The following SYMPK variants were observed in gnomAD, a reference collection of about 807,000 sequenced individuals.
The protein encoded by SYMPK is symplekin scaffold protein.
A neutral mutation model predicts 136.4 loss-of-function variants in SYMPK; 49 were observed. The ratio of observed to expected loss-of-function variants is 0.36; its 90% confidence interval spans 0.29 to 0.46. SYMPK has a LOEUF of 0.46. SYMPK is among the 20% of genes least tolerant of loss of function. The pLI is 1.00. For synonymous variants in SYMPK, 766 were observed against 713.0 expected, an observed-to-expected ratio of 1.07 and a Z score of -1.19; for missense variants, 1,365 against 1,690.0, an observed-to-expected ratio of 0.81 and a Z score of 3.37.
At chr19:45,830,006 T>C in intron 13 of SYMPK, 48 bp downstream of exon 13, 4 of 1,513,164 alleles carry the variant, frequency 2.6e-6, no homozygotes, top group Middle Eastern at 1.9e-4. Flanking sequence ...AGGTAGACGT[T>C]TGGGTAGAGG....
At chr19:45,822,980 C>G (rs1179608326) in intron 20 of SYMPK, 134 bp from the exon 21 acceptor site, 3 of 718,190 alleles carry the variant, frequency 4.2e-6, no homozygotes, top group Admixed American at 2.2e-5. Flanking sequence ...CCTACCCTCA[C>G]CACACCCTCA....
chr19:45,831,799 G>A (rs533507860), intron 11 of SYMPK, among the ~76,000 whole-genome samples: 2 of 152,162 alleles, frequency 1.3e-5, no homozygotes, highest in Non-Finnish European at 2.9e-5. Context: ...TTGCTGGGGG[G>A]AGCAGCAAAT....
chr19:45,827,593 G>C lies in SYMPK; in HGVS notation c.2098C>G (p.Arg700Gly), dbSNP rs761537907. 24 of 1,614,034 alleles carry C rather than the reference G, an allele frequency of 1.5e-5. No homozygotes were observed. The Admixed American group carries it at 3.7e-4, about 25-fold the overall frequency. Residue 700 changes from arginine (R) to glycine (G), a missense_variant, in exon 16 of 27, where the codon CGA becomes GGA. Arg to Gly is a moderately radical substitution (Grantham distance 125, BLOSUM62 -2). Transcript: ENST00000245934. The stretch of plus-strand genomic sequence containing the variant: ...GACGGGCGCTTGAAGATCAGGTCTC[G>C]AAGTGTGGACATGCCCAGATAGGTG... ...SRTYLGMSTL[R>G]DLIFKRPSRQ...
intron 9 of SYMPK, among the ~76,000 whole-genome samples, chr19:45,841,298 T>A (rs148420478): frequency 7.1e-6 from 1 of 140,138 alleles, no homozygotes; most frequent in East Asian, 2.1e-4. Context: ...CCCCCCCACC[T>A]TTTTTTTTTT....
intron 3 of SYMPK, 98 bp from the exon 4 acceptor site, chr19:45,852,633 A>G (rs1204651433): frequency 2.1e-6 from 3 of 1,414,526 alleles, no homozygotes; most frequent in Middle Eastern, 2.1e-4. Flanking sequence ...GCAGAGGGCT[A>G]GGCAGCAGAT....
intron 24 of SYMPK, 55 bp downstream of exon 24, chr19:45,816,743 G>T: frequency 6.8e-7 from 1 of 1,473,366 alleles, no homozygotes. Context: ...CCAGGGGGCC[G>T]CCCACCGCAC....
At chr19:45,826,793 T>C (rs1463496509) in intron 16 of SYMPK, among the ~76,000 whole-genome samples, 1 of 151,886 alleles carries the variant, frequency 6.6e-6, no homozygotes, top group Non-Finnish European at 1.5e-5. Context: ...CAGCAGCACA[T>C]GGCCATGGCC....
chr19:45,842,288 C>A lies in SYMPK; in HGVS notation c.1049G>T (p.Arg350Leu), dbSNP rs770888957. Residue 350 changes from arginine (R) to leucine (L), a missense_variant, in exon 9 of 27, where the codon CGC becomes CTC. Physicochemically the swap from Arg to Leu is moderately radical, Grantham distance 102. Around this residue, in one of 11 missense-constraint regions of SYMPK, gnomAD observed 111 missense variants for 141.2 expected, o/e 0.79. Coordinates refer to ENST00000245934, the MANE Select transcript of SYMPK (RefSeq NM_004819.3). ...PSSKDTRKRP[R>L]DDSDSTLKKM... is the part of the protein sequence containing the mutation. Reference sequence around the variant, plus strand: ...CTTGAGTGTGGAGTCCGAGTCATCGCGGGGCCGCTTGCGGGTGTCCTTGCT... The same window carrying A: ...CTTGAGTGTGGAGTCCGAGTCATCGAGGGGCCGCTTGCGGGTGTCCTTGCT... 3 of 1,614,094 alleles carry A rather than the reference C, an allele frequency of 1.9e-6. No homozygotes were observed. In the Admixed American group the frequency reaches 5.0e-5, roughly 27 times the overall value.
intron 20 of SYMPK, 114 bp from the exon 21 acceptor site, chr19:45,822,960 C>G: frequency 3.6e-6 from 3 of 825,394 alleles, no homozygotes; most frequent in Non-Finnish European, 6.0e-6. Context: ...CTCTGGCTCA[C>G]TGAGCCCCTC....
In SYMPK at chr19:45,827,856, C is replaced by T. The variant is rs778523291; in HGVS notation, c.2048G>A (p.Arg683His). ...LITESALEVV[R>H]KYCEDESRTY... is the part of the protein sequence containing the mutation. ...CCTCACCTCATCCTCGCAGTACTTGCGGACCACCTCCAGGGCACTCTCTGT... is the reference window on the plus strand; with the variant it reads ...CCTCACCTCATCCTCGCAGTACTTGTGGACCACCTCCAGGGCACTCTCTGT... Residue 683 changes from arginine (R) to histidine (H), a missense_variant, in exon 15 of 27, where the codon CGC (arginine) becomes CAC (histidine). This residue lies in a region of SYMPK where 303 missense variants were observed against 326.6 expected (regional missense o/e 0.93). Transcript: ENST00000245934. 12 of 1,614,008 alleles carry T rather than the reference C, an allele frequency of 7.4e-6. No individual in the cohort carries two copies. The highest frequency in any genetic ancestry group is 2.2e-5 in the East Asian group (1 of 44,880).
At chr19:45,825,051 C>T (rs1197240694) in intron 18 of SYMPK, 120 bp downstream of exon 18, 34 of 1,335,848 alleles carry the variant, frequency 2.5e-5, no homozygotes, top group Admixed American at 6.3e-5. Flanking sequence ...TGGGTCGGCC[C>T]GGGGTGACCA....
Position 45,854,417 on chromosome 19 carries a change from T to G in SYMPK, c.79A>C (p.Ile27Leu). 1 of 1,614,190 alleles carries G rather than the reference T, an allele frequency of 6.2e-7. No homozygotes were observed. Among genetic ancestry groups the G allele is most frequent in the Non-Finnish European group, 8.5e-7 (1 of 1,180,026 alleles). ...CTCTCTGAGGTGGTCATGCCATCGATGCCCGGCCCCTCCTCTTGAGTGAAA... is the reference window on the plus strand; with the variant it reads ...CTCTCTGAGGTGGTCATGCCATCGAGGCCCGGCCCCTCCTCTTGAGTGAAA... ...QFFTQEEGPG[I>L]DGMTTSERVV... Residue 27 changes from isoleucine (I) to leucine (L), a missense_variant, in exon 2 of 27, where the codon ATC becomes CTC. This residue lies in a region of SYMPK where 61 missense variants were observed against 80.7 expected (regional missense o/e 0.76). Transcript: ENST00000245934.
chr19:45,829,261 C>A (rs866285992), intron 13 of SYMPK, 56 bp from the exon 14 acceptor site: 3 of 1,468,694 alleles, frequency 2.0e-6, no homozygotes, highest in Middle Eastern at 1.8e-4. Context: ...AGGGACTCCG[C>A]AATCGTGCCC....
chr19:45,834,180 C>T (rs538906641), intron 11 of SYMPK, among the ~76,000 whole-genome samples: 1 of 152,204 alleles, frequency 6.6e-6, no homozygotes, highest in Admixed American at 6.5e-5. Context: ...CCCAGCTACT[C>T]GGGAGGCTGA....
rs146919889 is a variant in SYMPK at position 45,829,048 on chromosome 19, G to C, written c.1907C>G (p.Ser636Trp). ...GTCCTCATACTTGTCCAGGGAGCCCGAGGCACCTGCGGCCAGGTAGGCGTT... is the reference window on the plus strand; with the variant it reads ...GTCCTCATACTTGTCCAGGGAGCCCCAGGCACCTGCGGCCAGGTAGGCGTT... The part of the protein sequence containing the change: ...EYNAYLAAGA[S>W]GSLDKYEDCL... Residue 636 changes from serine (S) to tryptophan (W), a missense_variant, in exon 14 of 27, where the codon TCG becomes TGG. Ser to Trp is a radical substitution (Grantham distance 177, BLOSUM62 -3). Around this residue, in one of 11 missense-constraint regions of SYMPK, gnomAD observed 303 missense variants for 326.6 expected, o/e 0.93. Transcript: ENST00000245934. 6 of 1,614,076 alleles carry C rather than the reference G, an allele frequency of 3.7e-6. No homozygotes were observed. The African/African-American group carries it at 8.0e-5, about 22-fold the overall frequency.
At chr19:45,823,547 G>A (rs559224209) in intron 19 of SYMPK, 75 bp from the exon 20 acceptor site, 2 of 1,410,614 alleles carry the variant, frequency 1.4e-6, no homozygotes, top group South Asian at 2.3e-5. Context: ...CCAGGAAAGA[G>A]AAGCAGGCAG....
intron 20 of SYMPK, 89 bp from the exon 21 acceptor site, chr19:45,822,935 G>C: frequency 9.1e-7 from 1 of 1,093,978 alleles, no homozygotes; most frequent in Non-Finnish European, 1.4e-6. Context: ...CTCGCCCTGG[G>C]GAGCTGAGGG....
chr19:45,842,741 C>G, intron 8 of SYMPK: 1 of 480,440 alleles, frequency 2.1e-6, no homozygotes, highest in Admixed American at 3.8e-5. Flanking sequence ...CAATTTCGTC[C>G]TCCTCCATCT....
In SYMPK at chr19:45,854,507, G is replaced by A; in HGVS notation, c.-12C>T. On this transcript the variant is annotated splice_region_variant and 5_prime_UTR_variant, in exon 2 of 27. Coordinates refer to ENST00000245934, the MANE Select transcript of SYMPK (RefSeq NM_004819.3). ...CTGCCGCTCGCCATGGCTGCTGTCA[G>A]CTTGTCCCCAGGAAAGAAGAGGATG... 6 of 1,612,264 alleles carry A rather than the reference G, an allele frequency of 3.7e-6. No homozygotes were observed. The highest frequency in any genetic ancestry group is 5.1e-6 in the Non-Finnish European group (6 of 1,179,214).
Sources: gnomAD v4.1 joint callset for allele counts (sites outside exome capture counted in the v4.1 genomes callset) on GRCh38, gnomAD v4.1.1 for gene constraint, gnomAD v4.1.1 regional missense constraint, MANE v1.5 for transcripts, NCBI Gene and HGNC (gene_info 2026-07-23, HGNC 2026-07-21) for gene names.